Variants in RFX3 observed in about 807,000 individuals in gnomAD.
RFX3 encodes the protein transcription factor RFX3.
RFX3 carries 14 observed loss-of-function variants against 98.6 expected under a neutral mutation model. The ratio of observed to expected loss-of-function variants is 0.14; its 90% CI spans 0.09 to 0.22. The LOEUF (loss-of-function observed/expected upper bound fraction) is 0.22. Among genes scored for constraint, RFX3 ranks in the 10% least tolerant of loss-of-function variants. The pLI is 1.00. For missense variants in RFX3, 639 were observed against 926.9 expected (o/e 0.69, Z 4.03); for synonymous variants, 383 against 328.4 (o/e 1.17, Z -1.80).
At chr9:3,515,004 T>A (rs1270013515) in intron 1 of RFX3, among the ~76,000 whole-genome samples, 2 of 152,246 alleles carry the variant, frequency 1.3e-5, no homozygotes, top group Non-Finnish European at 2.9e-5. Context: ...TATAATCAGA[T>A]GCCAATCAGC....
chr9:3,293,274 A>G lies in RFX3; in HGVS notation c.550-16T>C. Reference sequence around the variant, plus strand: ...GCCACTGGAGCTAGGGAAATAAGACACAATAAACACAGACAAATCACATAA... The same window carrying G: ...GCCACTGGAGCTAGGGAAATAAGACGCAATAAACACAGACAAATCACATAA... On this transcript the variant is annotated splice_polypyrimidine_tract_variant and intron_variant, in intron 5 of 16. Transcript: ENST00000617270. 6.4e-7 allele frequency: 1 copy of G among 1,561,930 alleles called. No homozygotes were observed. The highest frequency in any genetic ancestry group is 8.6e-7 in the Non-Finnish European group (1 of 1,156,568).
chr9:3,356,235 G>T (rs949188657), intron 2 of RFX3, among the ~76,000 whole-genome samples: 1 of 150,448 alleles, frequency 6.6e-6, no homozygotes. Flanking sequence ...ATAAAAATAT[G>T]AAAACAGAAA....
Position 3,270,430 on chromosome 9 carries a change from T to C in RFX3, c.1298A>G (p.His433Arg). 1.2e-6 allele frequency: 2 copies of C among 1,613,880 alleles called. No individual in the cohort carries two copies. The highest frequency in any genetic ancestry group is 1.7e-6 in the Non-Finnish European group (2 of 1,179,828). ...SILKWMCNCD[H>R]GMYQALVEIL... Reference sequence around the variant, plus strand: ...CTCCACCAAAGCCTGGTACATCCCATGGTCACAGTTACACATCCATTTCAG... The same window carrying C: ...CTCCACCAAAGCCTGGTACATCCCACGGTCACAGTTACACATCCATTTCAG... Residue 433 changes from histidine (H) to arginine (R), a missense_variant, in exon 11 of 17, where the codon CAT becomes CGT. Coordinates refer to ENST00000617270, the MANE Select transcript of RFX3 (RefSeq NM_001282116.2).
intron 1 of RFX3, among the ~76,000 whole-genome samples, chr9:3,523,395 G>C (rs867564261): frequency 6.6e-6 from 1 of 152,104 alleles, no homozygotes; most frequent in Non-Finnish European, 1.5e-5. Context: ...CAGTGTTTCT[G>C]ATTATTTAAT....
chr9:3,513,185 G>C (rs1817810724), intron 1 of RFX3, among the ~76,000 whole-genome samples: 1 of 151,914 alleles, frequency 6.6e-6, no homozygotes, highest in African/African-American at 2.4e-5. Flanking sequence ...AAAACCAAAA[G>C]CTTAGAGACT....
At chr9:3,322,176 T>C (rs988138281) in intron 4 of RFX3, among the ~76,000 whole-genome samples, 9 of 152,202 alleles carry the variant, frequency 5.9e-5, no homozygotes, top group Admixed American at 3.9e-4. Flanking sequence ...ATGATTGAGA[T>C]TATGTTGAAA....
At chr9:3,480,869 T>C (rs1268918735) in intron 1 of RFX3, among the ~76,000 whole-genome samples, 1 of 152,082 alleles carries the variant, frequency 6.6e-6, no homozygotes, top group Non-Finnish European at 1.5e-5. Flanking sequence ...TATACAAATA[T>C]AAGGAAATAT....
At chr9:3,390,281 C>T (rs191972557) in intron 2 of RFX3, among the ~76,000 whole-genome samples, 3 of 152,100 alleles carry the variant, frequency 2.0e-5, no homozygotes, top group Admixed American at 6.6e-5. Context: ...GAAAAGATAC[C>T]CCAAAATGTC....
chr9:3,314,167 G>A (rs542063888), intron 4 of RFX3, among the ~76,000 whole-genome samples: 11 of 152,266 alleles, frequency 7.2e-5, no homozygotes, highest in Middle Eastern at 3.4e-3. Flanking sequence ...GACTAACAGC[G>A]GATCTCTTGG....
chr9:3,478,839 C>T (rs1330540638), intron 1 of RFX3, among the ~76,000 whole-genome samples: 1 of 152,178 alleles, frequency 6.6e-6, no homozygotes. Flanking sequence ...ACTGAAATCA[C>T]AGCCTTAGGC....
intron 3 of RFX3, among the ~76,000 whole-genome samples, chr9:3,332,424 C>T (rs531700280): frequency 6.6e-6 from 1 of 152,288 alleles, no homozygotes; most frequent in South Asian, 2.1e-4. Flanking sequence ...AAAGATGTCA[C>T]TATCTTATGT....
intron 4 of RFX3, among the ~76,000 whole-genome samples, chr9:3,305,888 ACCAATCTCAAGAAAAAAATGGCACAC>A (rs994057989): frequency 1.2e-4 from 18 of 152,096 alleles, no homozygotes; most frequent in Non-Finnish European, 2.2e-4. Context: ...CTGAGAGTTT[ACCAATCTCAAGAAAAAAATGGCACAC>A]ATCAGCATTT....
At chr9:3,338,566 G>A (rs1833475863) in intron 3 of RFX3, among the ~76,000 whole-genome samples, 1 of 152,074 alleles carries the variant, frequency 6.6e-6, no homozygotes, top group African/African-American at 2.4e-5. Context: ...TTTTTAATGT[G>A]CATCAGAATC....
At chr9:3,225,399 C>T (rs1184817372) in intron 16 of RFX3, 119 bp from the exon 17 acceptor site, 2 of 1,426,792 alleles carry the variant, frequency 1.4e-6, no homozygotes, top group Non-Finnish European at 1.9e-6. Context: ...TAGCTCTTCT[C>T]AGGAAACAAA....
At chr9:3,376,546 G>T (rs1051220756) in intron 2 of RFX3, among the ~76,000 whole-genome samples, 2 of 152,150 alleles carry the variant, frequency 1.3e-5, no homozygotes, top group Non-Finnish European at 2.9e-5. Flanking sequence ...CAAGAAGCCA[G>T]CTTGCACAAA....
chr9:3,398,682 C>T lies in RFX3; in HGVS notation c.-8-3086G>A, dbSNP rs1258723433. 3.9e-5 allele frequency among the ~76,000 whole-genome samples: 6 copies of T among 152,048 alleles called. No individual in the cohort carries two copies. The East Asian group carries it at 1.2e-3, about 29-fold the overall frequency. ...CACTAAATCTGCCTCCTATTTCCCC[C>T]AGAGCTGGATGGGAATGTTCCAGAG... On this transcript the variant is annotated intron_variant, in intron 1 of 16. Coordinates refer to ENST00000617270, the MANE Select transcript of RFX3 (RefSeq NM_001282116.2).
At chr9:3,312,292 T>C (rs1386729013) in intron 4 of RFX3, among the ~76,000 whole-genome samples, 3 of 152,162 alleles carry the variant, frequency 2.0e-5, no homozygotes, top group African/African-American at 4.8e-5. Context: ...TCATTGTAGT[T>C]TGTGGCTTTA....
At chr9:3,504,673 T>G in intron 1 of RFX3, among the ~76,000 whole-genome samples, 1 of 133,220 alleles carries the variant, frequency 7.5e-6, no homozygotes, top group Non-Finnish European at 1.5e-5. Context: ...ATATATTGCA[T>G]ATAAAATATA....
intron 8 of RFX3, 128 bp downstream of exon 8, chr9:3,277,212 G>C: frequency 1.3e-6 from 1 of 799,338 alleles, no homozygotes; most frequent in Non-Finnish European, 2.1e-6. Flanking sequence ...TACATATGAT[G>C]TGCATAATTT....
Sources: gnomAD v4.1 joint callset for allele counts (sites outside exome capture counted in the v4.1 genomes callset) on GRCh38, gnomAD v4.1.1 for gene constraint, MANE v1.5 for transcripts, NCBI Gene and HGNC (gene_info 2026-07-23, HGNC 2026-07-21) for gene names.